The following ECE1 variants were observed in gnomAD, a reference collection of about 807,000 sequenced individuals.
ECE1 encodes endothelin converting enzyme 1, also known as endothelin-converting enzyme 1.
ECE1 carries 35 observed loss-of-function variants against 98.6 expected under a neutral mutation model. The observed-to-expected ratio is 0.35, with a 90% CI of 0.27 to 0.47. The LOEUF is 0.47. Ranked by LOEUF, ECE1 falls within the 20% of genes least tolerant of loss-of-function variation. The probability of loss-of-function intolerance (pLI) is 1.00; values close to 1 mark genes in which losing one functional copy is unlikely to be tolerated. For synonymous variants in ECE1, 394 were observed against 407.1 expected, an observed-to-expected ratio of 0.97 and a Z score of 0.39; for missense variants, 814 against 1,025.3, an observed-to-expected ratio of 0.79 and a Z score of 2.81.
At chr1:21,223,219 T>C (rs868364649) in intron 17 of ECE1, among the ~76,000 whole-genome samples, 93 of 152,070 alleles carry the variant, frequency 6.1e-4, no homozygotes, top group African/African-American at 2.1e-3. Flanking sequence ...GTGATCCACC[T>C]ACCCTGGCCT....
intron 12 of ECE1, among the ~76,000 whole-genome samples, chr1:21,236,376 G>A (rs578179768): frequency 1.5e-4 from 23 of 152,396 alleles, no homozygotes; most frequent in Non-Finnish European, 2.1e-4. Flanking sequence ...CTCACCGGGC[G>A]CGGTGGCTTA....
chr1:21,320,644 C>G (rs1422667456), intron 1 of ECE1, among the ~76,000 whole-genome samples: 1 of 152,234 alleles, frequency 6.6e-6, no homozygotes, highest in Non-Finnish European at 1.5e-5. Context: ...GAGTCACTCA[C>G]AGGGGGTCAC....
At chr1:21,290,633 C>A (rs2098265725), upstream of ECE1, 5 of 1,033,648 alleles carry the variant, frequency 4.8e-6, no homozygotes, top group East Asian at 1.4e-4. The surrounding 1 kb of genome is among the most constrained non-coding windows in gnomAD (Gnocchi z 7.3). Context: ...CAAACTGAAG[C>A]CCCTAGCAGG....
At chr1:21,251,102 T>C (rs2098212256) in intron 8 of ECE1, among the ~76,000 whole-genome samples, 1 of 152,070 alleles carries the variant, frequency 6.6e-6, no homozygotes, top group Admixed American at 6.5e-5. Context: ...AAAACCCAGG[T>C]TCACTCATCT....
chr1:21,283,035 G>A (rs1161324418), intron 2 of ECE1, among the ~76,000 whole-genome samples: 3 of 148,616 alleles, frequency 2.0e-5, no homozygotes, highest in South Asian at 2.1e-4. Flanking sequence ...TTGGCCTCCC[G>A]GGTTCAAGAG....
At chr1:21,251,001 A>G (rs1161627833) in intron 8 of ECE1, among the ~76,000 whole-genome samples, 2 of 141,294 alleles carry the variant, frequency 1.4e-5, no homozygotes, top group African/African-American at 5.2e-5. Flanking sequence ...AGCGAGACTC[A>G]GTCTCAAAAA....
In ECE1 at chr1:21,272,702, G is replaced by T; in HGVS notation, c.490C>A (p.Leu164Ile). The T allele has an allele frequency of 1.2e-6, 2 of 1,614,258 alleles. No homozygotes were observed. Among genetic ancestry groups the T allele is most frequent in the Non-Finnish European group, 1.7e-6 (2 of 1,180,050 alleles). Residue 164 changes from leucine (L) to isoleucine (I), a missense_variant, in exon 4 of 19, where the codon CTC becomes ATC. Around this residue, in one of 3 missense-constraint regions of ECE1, gnomAD observed 257 missense variants for 278.9 expected, o/e 0.92. Coordinates refer to ENST00000374893, the MANE Select transcript of ECE1 (RefSeq NM_001397.3). The part of the protein sequence containing the change: ...EHNQAIIKHL[L>I]ENSTASVSEA... ...GGTCTCCATGCTGGATGCTTACCGA[G>T]GAGGTGCTTGATGATTGCTTGGTTG...
At position 21,260,325 on chromosome 1, in the gene ECE1, G is replaced by A. The variant is rs13306314; in HGVS notation, c.561C>T (p.Asn187=). The part of the protein sequence containing the change: ...KAQVYYRACM[N]ETRIEELRAK... ...CCCTGAGCTCCTCGATCCTGGTCTC[G>A]TTCATGCACGCACGGTAGTATACTT... is the stretch of plus-strand genomic sequence containing the variant. Residue 187 remains asparagine, a synonymous_variant, in exon 5 of 19, where the codon AAC becomes AAT. Transcript: ENST00000374893. This position sits in a 1 kb window ranked among gnomAD's most constrained non-coding sequence, Gnocchi z 4.3. The A allele has an allele frequency of 1.7e-4, 274 of 1,614,236 alleles. 2 individuals carry two copies. The East Asian group carries it at 5.5e-3, about 32-fold the overall frequency.
In ECE1 at chr1:21,260,923, T is replaced by C. The variant is rs760371952; in HGVS notation, c.494-531A>G. Among the ~76,000 whole-genome samples the C allele has an allele frequency of 6.6e-5, 10 of 152,190 alleles. No homozygotes were observed. The highest frequency in any genetic ancestry group is 1.0e-4 in the Non-Finnish European group (7 of 68,034). On this transcript the variant is annotated intron_variant, in intron 4 of 18. Coordinates refer to ENST00000374893, the MANE Select transcript of ECE1 (RefSeq NM_001397.3). This position sits in a 1 kb window ranked among gnomAD's most constrained non-coding sequence, Gnocchi z 4.3. ...GCTTACAGCCAACTCCTGGGGCCGT[T>C]TTCCACCGCCCTTGCCAACTCCAGC... is the stretch of plus-strand genomic sequence containing the variant.
At chr1:21,264,318 C>CT (rs1491477507) in intron 4 of ECE1, among the ~76,000 whole-genome samples, 2 of 141,768 alleles carry the variant, frequency 1.4e-5, no homozygotes, top group Admixed American at 7.0e-5. Context: ...TTCCCCCCCC[C>CT]CCTTTTTTTT....
chr1:21,343,028 G>C (rs771014721), intron 1 of ECE1, among the ~76,000 whole-genome samples: 1 of 152,122 alleles, frequency 6.6e-6, no homozygotes, highest in Non-Finnish European at 1.5e-5. Flanking sequence ...CCAGGAGCCT[G>C]TCCTGTGCAC....
chr1:21,292,666 G>A (rs1444328466), upstream of ECE1, among the ~76,000 whole-genome samples: 1 of 152,230 alleles, frequency 6.6e-6, no homozygotes, highest in East Asian at 1.9e-4. Context: ...CCGGCACAGA[G>A]TAGGTGCTCA....
intron 2 of ECE1, 195 bp from the exon 3 acceptor site, chr1:21,279,527 C>T: frequency 1.4e-6 from 2 of 1,460,458 alleles, no homozygotes; most frequent in Non-Finnish European, 1.8e-6. Flanking sequence ...CTGCTCGGAT[C>T]TGCTCCCAAA....
At chr1:21,257,052 G>A (rs925760084) in intron 7 of ECE1, among the ~76,000 whole-genome samples, 3 of 152,054 alleles carry the variant, frequency 2.0e-5, no homozygotes, top group East Asian at 1.9e-4. Context: ...CATGGGCTTC[G>A]GAGCACGTGG....
At chr1:21,302,649 G>A (rs945963133) in intron 1 of ECE1, among the ~76,000 whole-genome samples, 1 of 152,124 alleles carries the variant, frequency 6.6e-6, no homozygotes, top group African/African-American at 2.4e-5. Context: ...CCCCTGCCCT[G>A]AGGAATGCAC....
At chr1:21,230,070 G>A (rs2098179797) in intron 14 of ECE1, among the ~76,000 whole-genome samples, 1 of 152,052 alleles carries the variant, frequency 6.6e-6, no homozygotes, top group Non-Finnish European at 1.5e-5. Flanking sequence ...GTGTGGTGGT[G>A]TGCACCTGTA....
At chr1:21,337,343 A>G (rs1230897092) in intron 1 of ECE1, among the ~76,000 whole-genome samples, 1 of 152,182 alleles carries the variant, frequency 6.6e-6, no homozygotes, top group East Asian at 1.9e-4. Flanking sequence ...AAGAGCACAC[A>G]TGAATGAATC....
chr1:21,279,098 C>G, intron 3 of ECE1, 93 bp downstream of exon 3: 1 of 1,605,924 alleles, frequency 6.2e-7, no homozygotes, highest in Non-Finnish European at 8.5e-7. Flanking sequence ...CAGAGCCCTG[C>G]CCCGGCTTAA....
intron 4 of ECE1, among the ~76,000 whole-genome samples, chr1:21,263,123 A>G (rs2098229221): frequency 6.6e-6 from 1 of 152,136 alleles, no homozygotes; most frequent in Non-Finnish European, 1.5e-5. Flanking sequence ...GGGCTGAAGG[A>G]TGAACTCAAT....
Sources: gnomAD v4.1 joint callset for allele counts (sites outside exome capture counted in the v4.1 genomes callset) on GRCh38, gnomAD v4.1.1 for gene constraint, gnomAD v4.1.1 regional missense constraint, Gnocchi (gnomAD v3.1) non-coding constraint, MANE v1.5 for transcripts, NCBI Gene and HGNC (gene_info 2026-07-23, HGNC 2026-07-21) for gene names.